The following CDH13 variants were observed in gnomAD, a reference collection of about 807,000 sequenced individuals.
CDH13 encodes cadherin 13, also known as cadherin-13.
In CDH13, 24 loss-of-function variants were observed where a neutral mutation model predicts 63.8. The observed-to-expected ratio is 0.38, with a 90% CI of 0.27 to 0.53. The LOEUF is 0.53. CDH13 is among the 20% of genes least tolerant of loss of function. CDH13 has a pLI of 0.85. For missense variants in CDH13, 1,049 were observed against 903.1 expected, an observed-to-expected ratio of 1.16 and a Z score of -2.07; for synonymous variants, 503 against 355.3, an observed-to-expected ratio of 1.42 and a Z score of -4.67.
intron 5 of CDH13, among the ~76,000 whole-genome samples, chr16:83,237,806 G>A (rs1904277049): frequency 6.6e-6 from 1 of 152,176 alleles, no homozygotes; most frequent in Non-Finnish European, 1.5e-5. Context: ...ATAAAATGAG[G>A]TATAGCATAT....
intron 5 of CDH13, among the ~76,000 whole-genome samples, chr16:83,281,126 T>C (rs984957169): frequency 1.3e-5 from 2 of 152,166 alleles, no homozygotes; most frequent in African/African-American, 4.8e-5. Context: ...CTTCTTTCAA[T>C]TGAAGGCTGT....
chr16:83,543,258 G>A (rs1167571281), intron 7 of CDH13, among the ~76,000 whole-genome samples: 3 of 152,256 alleles, frequency 2.0e-5, no homozygotes, highest in African/African-American at 7.2e-5. Flanking sequence ...CTCAATAAAT[G>A]TTGGGTGAGT....
chr16:83,187,429 A>G lies in CDH13; in HGVS notation c.484-29916A>G, dbSNP rs149069991. On this transcript the variant is annotated intron_variant, in intron 4 of 13. Coordinates refer to ENST00000567109, the MANE Select transcript of CDH13 (RefSeq NM_001257.5). ...TTCATTTTTCCCGTCATCAGTGATA[A>G]AACCATGACTTGAGGCAAAGGTGAC... 3.2e-3 allele frequency among the ~76,000 whole-genome samples: 484 copies of G among 152,226 alleles called. 3 individuals are homozygous for G. The highest frequency in any genetic ancestry group is 0.011 in the African/African-American group (469 of 41,564).
intron 5 of CDH13, among the ~76,000 whole-genome samples, chr16:83,334,250 G>C (rs954322353): frequency 2.7e-5 from 4 of 150,590 alleles, no homozygotes; most frequent in Admixed American, 6.6e-5. Flanking sequence ...CTGTCTGTCT[G>C]TCTCTCTCTC....
At chr16:83,273,575 A>C (rs1991059) in intron 5 of CDH13, among the ~76,000 whole-genome samples, 7 of 152,174 alleles carry the variant, frequency 4.6e-5, no homozygotes, top group Admixed American at 2.0e-4. Context: ...TCATGGCAAC[A>C]TGGATGGAGC....
Position 83,352,473 on chromosome 16 carries a change from T to C in CDH13, c.781+7467T>C, listed in dbSNP as rs143866146. 7.2e-5 allele frequency among the ~76,000 whole-genome samples: 11 copies of C among 152,292 alleles called. No individual in the cohort carries two copies. In the East Asian group the frequency reaches 1.9e-3, roughly 27 times the overall value. The stretch of plus-strand genomic sequence containing the variant: ...AGCAATCCTGCTACTACTGGGCGTC[T>C]ACACAAAGGAAAAGAAGCCACTGTA... On this transcript the variant is annotated intron_variant, in intron 6 of 13. Transcript: ENST00000567109.
intron 7 of CDH13, among the ~76,000 whole-genome samples, chr16:83,532,457 A>G (rs1223202008): frequency 6.6e-6 from 1 of 152,218 alleles, no homozygotes; most frequent in African/African-American, 2.4e-5. Flanking sequence ...ATGTTACTGG[A>G]TAAATGAATA....
chr16:83,587,434 T>C (rs1039517194), intron 7 of CDH13, among the ~76,000 whole-genome samples: 5 of 152,356 alleles, frequency 3.3e-5, no homozygotes, highest in Middle Eastern at 3.4e-3. Flanking sequence ...CCTGTGCTTC[T>C]GTCACTGGGA....
chr16:82,790,385 A>G (rs541436015), intron 1 of CDH13, among the ~76,000 whole-genome samples: 3 of 152,302 alleles, frequency 2.0e-5, no homozygotes, highest in African/African-American at 7.2e-5. Flanking sequence ...CAGTGAGCCA[A>G]GATCGCACCA....
intron 6 of CDH13, among the ~76,000 whole-genome samples, chr16:83,420,962 T>A (rs112115238): frequency 4.6e-5 from 7 of 152,310 alleles, no homozygotes; most frequent in African/African-American, 1.7e-4. Context: ...TTATCACACC[T>A]TCTTCTGCCT....
chr16:83,081,532 T>A (rs1404106311), intron 3 of CDH13, among the ~76,000 whole-genome samples: 1 of 152,232 alleles, frequency 6.6e-6, no homozygotes, highest in Admixed American at 6.5e-5. Context: ...GCTATAACAA[T>A]ACCAGTGACT....
rs138913889 is a variant in CDH13 at position 83,237,295 on chromosome 16, C to A, written c.636+19798C>A. ...GATGCTCACGGTCACAGCCTAGTGA[C>A]CCACACTTGTGTCTTTGCTGTCAAG... On this transcript the variant is annotated intron_variant, in intron 5 of 13. Coordinates refer to ENST00000567109, the MANE Select transcript of CDH13 (RefSeq NM_001257.5). Among the ~76,000 whole-genome samples the A allele has an allele frequency of 4.5e-4, 69 of 152,284 alleles. 1 individual carries two copies. The highest frequency in any genetic ancestry group is 1.6e-3 in the African/African-American group (68 of 41,560).
intron 2 of CDH13, among the ~76,000 whole-genome samples, chr16:82,866,338 A>G (rs1374058600): frequency 1.5e-5 from 2 of 137,172 alleles, no homozygotes; most frequent in Non-Finnish European, 3.1e-5. Flanking sequence ...ACTGGTACCA[A>G]TTTACTGTAT....
At chr16:83,486,033 C>T (rs557618884) in intron 6 of CDH13, among the ~76,000 whole-genome samples, 2 of 152,236 alleles carry the variant, frequency 1.3e-5, no homozygotes, top group Admixed American at 6.5e-5. Flanking sequence ...ATCCCAGCTA[C>T]TTAGGAGGCT....
chr16:82,668,841 C>A (rs28599522), intron 1 of CDH13, among the ~76,000 whole-genome samples: 8,730 of 152,194 alleles, frequency 0.057, 290 homozygotes, highest in Middle Eastern at 0.15. Flanking sequence ...GGGCTGTGAG[C>A]CCCTGGCTTT....
intron 5 of CDH13, among the ~76,000 whole-genome samples, chr16:83,336,653 C>CTG (rs993278065): frequency 2.4e-4 from 36 of 152,228 alleles, no homozygotes; most frequent in Middle Eastern, 3.4e-3. Flanking sequence ...CAAAAAAGCT[C>CTG]TGTGTGTGTC....
At chr16:83,408,864 G>A (rs2092086139) in intron 6 of CDH13, among the ~76,000 whole-genome samples, 1 of 152,200 alleles carries the variant, frequency 6.6e-6, no homozygotes, top group Admixed American at 6.5e-5. Flanking sequence ...AAGCATGCAG[G>A]AGACTTGGTA....
At chr16:83,291,734 A>G (rs1016600100) in intron 5 of CDH13, among the ~76,000 whole-genome samples, 1 of 151,502 alleles carries the variant, frequency 6.6e-6, no homozygotes, top group Non-Finnish European at 1.5e-5. Context: ...GGTTAATTCA[A>G]CTCCAGCTTG....
intron 3 of CDH13, among the ~76,000 whole-genome samples, chr16:83,120,983 C>G (rs147947663): frequency 3.3e-5 from 5 of 151,968 alleles, no homozygotes; most frequent in East Asian, 1.9e-4. Flanking sequence ...AGCCTGGTCT[C>G]GAACTCCTGA....
Sources: gnomAD v4.1 joint callset for allele counts (sites outside exome capture counted in the v4.1 genomes callset) on GRCh38, gnomAD v4.1.1 for gene constraint, MANE v1.5 for transcripts, NCBI Gene and HGNC (gene_info 2026-07-23, HGNC 2026-07-21) for gene names.